MYO16: variants seen among roughly 807,000 people sequenced by gnomAD.
The protein encoded by MYO16 is unconventional myosin-XVI.
MYO16 carries 94 observed loss-of-function variants against 205.3 expected under a neutral mutation model. The observed-to-expected ratio is 0.46, with a 90% CI of 0.39 to 0.54. The LOEUF (loss-of-function observed/expected upper bound fraction) is 0.54, where lower values mean the gene tolerates loss of function less well. Ranked by LOEUF, MYO16 falls within the 20% of genes least tolerant of loss-of-function variation. The pLI is 0.00. For synonymous variants in MYO16, 988 were observed against 954.0 expected (o/e 1.04, Z -0.66); for missense variants, 2,315 against 2,387.5 (o/e 0.97, Z 0.63).
chr13:109,096,217 G>C (rs277847), intron 27 of MYO16, among the ~76,000 whole-genome samples: 119,147 of 151,992 alleles, frequency 0.78, 46,876 homozygotes, highest in Middle Eastern at 0.87. Flanking sequence ...GGTGGCATCC[G>C]CTCTTGCCTC....
intron 1 of MYO16, chr13:108,659,528 G>C (rs1881405465): frequency 5.4e-6 from 1 of 184,994 alleles, no homozygotes; most frequent in Non-Finnish European, 1.1e-5. Context: ...CCCTAAAAAA[G>C]TGTAACACTG....
chr13:108,609,595 C>G (rs1261595813), intron 1 of MYO16, among the ~76,000 whole-genome samples: 1 of 152,192 alleles, frequency 6.6e-6, no homozygotes, highest in Non-Finnish European at 1.5e-5. Flanking sequence ...AACATGAGCA[C>G]AGCAGAAGCC....
At chr13:108,754,819 T>C (rs972618790) in intron 4 of MYO16, among the ~76,000 whole-genome samples, 2 of 152,168 alleles carry the variant, frequency 1.3e-5, no homozygotes, top group African/African-American at 4.8e-5. Context: ...TCAAGAAGCA[T>C]TTACAGTGTA....
chr13:108,666,629 G>T (rs532556049), intron 2 of MYO16, among the ~76,000 whole-genome samples: 1 of 152,130 alleles, frequency 6.6e-6, no homozygotes, highest in African/African-American at 2.4e-5. Context: ...GATGATTTGG[G>T]GCTATGGAAT....
At chr13:109,176,499 G>A (rs868171176) in intron 33 of MYO16, among the ~76,000 whole-genome samples, 2 of 131,934 alleles carry the variant, frequency 1.5e-5, no homozygotes, top group African/African-American at 2.9e-5. Flanking sequence ...TGGTTTGTGC[G>A]TTTGGTGTCA....
At chr13:108,816,342 A>G (rs1312537365) in intron 7 of MYO16, among the ~76,000 whole-genome samples, 1 of 152,176 alleles carries the variant, frequency 6.6e-6, no homozygotes, top group Non-Finnish European at 1.5e-5. Context: ...TATATGTAAT[A>G]CTAAACTTGA....
At chr13:108,921,380 C>T (rs1200862511) in intron 16 of MYO16, among the ~76,000 whole-genome samples, 1 of 152,216 alleles carries the variant, frequency 6.6e-6, no homozygotes, top group Non-Finnish European at 1.5e-5. Flanking sequence ...CCCTTGCTGA[C>T]ACAGTGACCA....
At chr13:108,787,915 T>C (rs1166353199) in intron 5 of MYO16, among the ~76,000 whole-genome samples, 1 of 152,234 alleles carries the variant, frequency 6.6e-6, no homozygotes, top group Non-Finnish European at 1.5e-5. Flanking sequence ...CTCCATCATC[T>C]GCCGCCATTC....
intron 2 of MYO16, among the ~76,000 whole-genome samples, chr13:108,710,578 C>A (rs1034888943): frequency 7.9e-5 from 12 of 152,178 alleles, no homozygotes; most frequent in African/African-American, 2.2e-4. Context: ...TATGTTGTCT[C>A]ATTTAATTCT....
At chr13:108,925,740 A>G (rs1881970925) in intron 16 of MYO16, among the ~76,000 whole-genome samples, 1 of 152,166 alleles carries the variant, frequency 6.6e-6, no homozygotes, top group Non-Finnish European at 1.5e-5. Context: ...TCTCTGCTGC[A>G]GTACAGGACT....
chr13:108,715,108 G>A (rs1594234750), intron 3 of MYO16, among the ~76,000 whole-genome samples: 2 of 152,272 alleles, frequency 1.3e-5, no homozygotes, highest in South Asian at 4.2e-4. Flanking sequence ...TCAAGCCCCA[G>A]CCCACAGCCG....
In MYO16 at chr13:108,846,679, T is replaced by C. The variant is rs1877541707; in HGVS notation, c.1248+2186T>C. On this transcript the variant is annotated intron_variant, in intron 10 of 34. Coordinates refer to ENST00000457511, the MANE Select transcript of MYO16 (RefSeq NM_001198950.3). The stretch of plus-strand genomic sequence containing the variant: ...TGGAGTTATTTTCCTCATATTTTAA[T>C]TTGTTATTAAGAATGGGAATATTAA... Among the ~76,000 whole-genome samples the C allele has an allele frequency of 2.0e-5, 3 of 152,118 alleles. No individual in the cohort carries two copies. In the South Asian group the frequency reaches 6.2e-4, roughly 31 times the overall value.
At chr13:108,497,556 T>C in the MYO16 span, among the ~76,000 whole-genome samples, 1 of 152,346 alleles carries the variant, frequency 6.6e-6, no homozygotes, top group East Asian at 1.9e-4. Flanking sequence ...ATTTATTTAC[T>C]GAAGGAAAAA....
intron 1 of MYO16, among the ~76,000 whole-genome samples, chr13:108,615,311 A>G (rs1444583461): frequency 6.6e-6 from 1 of 152,138 alleles, no homozygotes; most frequent in Non-Finnish European, 1.5e-5. Flanking sequence ...ACAAGTGCTG[A>G]CAAGGATATG....
At chr13:108,891,326 C>T (rs917707009) in intron 14 of MYO16, among the ~76,000 whole-genome samples, 2 of 152,186 alleles carry the variant, frequency 1.3e-5, no homozygotes, top group Admixed American at 1.3e-4. Context: ...TTCTACCTCT[C>T]TTCCTTTTTA....
At chr13:109,175,411 C>T (rs1336792649) in intron 33 of MYO16, among the ~76,000 whole-genome samples, 1 of 152,166 alleles carries the variant, frequency 6.6e-6, no homozygotes, top group Non-Finnish European at 1.5e-5. Flanking sequence ...ATCCATTATG[C>T]CATGGAGATC....
intron 7 of MYO16, 36 bp from the exon 8 acceptor site, chr13:108,820,301 T>C (rs1875895144): frequency 2.0e-6 from 3 of 1,474,410 alleles, no homozygotes; most frequent in African/African-American, 1.4e-5. Context: ...GCTTCTGCCA[T>C]GGTGGTTCCC....
In MYO16 at chr13:108,660,138, GA is replaced by G. The variant is rs1407699701; in HGVS notation, c.29-5746del. ...AATAATTAGATAGGTAGCTATTGTA[GA>G]AGTATAAGAGTGATAAATACTAAGG... On this transcript the variant is annotated intron_variant, in intron 1 of 34. Coordinates refer to ENST00000457511, the MANE Select transcript of MYO16 (RefSeq NM_001198950.3). Among the ~76,000 whole-genome samples, 9 of 152,238 alleles carry G rather than the reference GA, an allele frequency of 5.9e-5. No homozygotes were observed. In the East Asian group the frequency reaches 1.5e-3, roughly 26 times the overall value.
chr13:109,161,785 G>A (rs1329586695), intron 32 of MYO16, among the ~76,000 whole-genome samples: 8 of 152,128 alleles, frequency 5.3e-5, no homozygotes, highest in Non-Finnish European at 1.0e-4. Context: ...AGCCTAACCT[G>A]TGTGACCGTT....
Sources: gnomAD v4.1 joint callset for allele counts (sites outside exome capture counted in the v4.1 genomes callset) on GRCh38, gnomAD v4.1.1 for gene constraint, MANE v1.5 for transcripts, NCBI Gene and HGNC (gene_info 2026-07-23, HGNC 2026-07-21) for gene names.